The following PRKCA variants were observed in gnomAD, a reference collection of about 807,000 sequenced individuals.
PRKCA encodes the protein protein kinase C alpha type.
In PRKCA, 27 loss-of-function variants were observed where a neutral mutation model predicts 87.0. That is an observed-to-expected ratio of 0.31 (90% CI 0.23 to 0.43). The LOEUF (loss-of-function observed/expected upper bound fraction) is 0.43. Ranked by LOEUF, PRKCA falls within the 20% of genes least tolerant of loss-of-function variation. The pLI, the probability that PRKCA is intolerant of heterozygous loss-of-function variation, is 1.00. For missense variants in PRKCA, 518 were observed against 852.3 expected, an observed-to-expected ratio of 0.61 and a Z score of 4.88; for synonymous variants, 329 against 311.1, an observed-to-expected ratio of 1.06 and a Z score of -0.61.
At chr17:66,331,456 T>A (rs778034430) in intron 2 of PRKCA, among the ~76,000 whole-genome samples, 5 of 152,320 alleles carry the variant, frequency 3.3e-5, no homozygotes, top group Admixed American at 6.5e-5. Flanking sequence ...TAGCAACACA[T>A]TAATCTGCAG....
At chr17:66,358,924 C>T (rs978231216) in intron 2 of PRKCA, among the ~76,000 whole-genome samples, 2 of 151,286 alleles carry the variant, frequency 1.3e-5, no homozygotes, top group Non-Finnish European at 2.9e-5. Context: ...GATGAGAGTA[C>T]CTTTAAAAAA....
In PRKCA at chr17:66,553,084, C is replaced by T. The variant is rs368215292; in HGVS notation, c.288+56801C>T. On this transcript the variant is annotated intron_variant, in intron 3 of 16. Coordinates refer to ENST00000413366, the MANE Select transcript of PRKCA (RefSeq NM_002737.3). Reference sequence around the variant, plus strand: ...GCAACCTCTGCCCCCTGGGTTCAAGCGATTCTTCTGCCTCAGCCTCCCAGG... The same window carrying T: ...GCAACCTCTGCCCCCTGGGTTCAAGTGATTCTTCTGCCTCAGCCTCCCAGG... Among the ~76,000 whole-genome samples, 181 of 151,860 alleles carry T rather than the reference C, an allele frequency of 1.2e-3. 5 individuals carry two copies. The South Asian group carries it at 0.035, about 30-fold the overall frequency.
At chr17:66,377,434 A>C (rs550117448) in intron 2 of PRKCA, among the ~76,000 whole-genome samples, 2 of 151,814 alleles carry the variant, frequency 1.3e-5, no homozygotes, top group African/African-American at 4.8e-5. Context: ...GGCTGAGCTA[A>C]TGCAGAGCCT....
At chr17:66,399,113 T>TTTTC (rs1910863212) in intron 2 of PRKCA, among the ~76,000 whole-genome samples, 1 of 150,674 alleles carries the variant, frequency 6.6e-6, no homozygotes, top group South Asian at 2.1e-4. Flanking sequence ...TTTTTTTTTT[T>TTTTC]TTTGAGACAG....
chr17:66,584,995 GCT>G (rs369489490), intron 3 of PRKCA, among the ~76,000 whole-genome samples: 274 of 151,864 alleles, frequency 1.8e-3, no homozygotes, highest in African/African-American at 6.3e-3. Context: ...AAAGAGGAAA[GCT>G]CTCTCTCTCC....
chr17:66,650,148 A>G lies in PRKCA; in HGVS notation c.529+4637A>G, dbSNP rs1971554504. ...AGTTCAAACTGTGTCTTACCTATGTAGAATCACTCAGGTTGAAGATAATTC... is the reference window on the plus strand; with the variant it reads ...AGTTCAAACTGTGTCTTACCTATGTGGAATCACTCAGGTTGAAGATAATTC... On this transcript the variant is annotated intron_variant, in intron 5 of 16. Coordinates refer to ENST00000413366, the MANE Select transcript of PRKCA (RefSeq NM_002737.3). 2.0e-5 allele frequency among the ~76,000 whole-genome samples: 3 copies of G among 152,352 alleles called. No homozygotes were observed. The South Asian group carries it at 6.2e-4, about 32-fold the overall frequency.
chr17:66,508,393 G>A (rs1039334748), intron 3 of PRKCA, among the ~76,000 whole-genome samples: 32 of 152,214 alleles, frequency 2.1e-4, no homozygotes, highest in Non-Finnish European at 3.8e-4. Flanking sequence ...GGGCGTTGCC[G>A]TGGTTCTGAC....
intron 1 of PRKCA, among the ~76,000 whole-genome samples, chr17:66,304,015 C>T (rs7220374): frequency 0.97 from 147,200 of 152,202 alleles, 71,191 homozygotes; most frequent in East Asian, 1. Context: ...AAAAATGAAA[C>T]AGACCCTGTC....
chr17:66,796,195 T>G (rs532430196), intron 16 of PRKCA, among the ~76,000 whole-genome samples: 1 of 152,352 alleles, frequency 6.6e-6, no homozygotes, highest in African/African-American at 2.4e-5. Context: ...CCCCAACTAC[T>G]GGTCCTACTC....
intron 3 of PRKCA, among the ~76,000 whole-genome samples, chr17:66,590,037 ACCT>A (rs1487849312): frequency 3.9e-5 from 6 of 151,974 alleles, no homozygotes; most frequent in Non-Finnish European, 8.8e-5. Context: ...CCCGCCGCTC[ACCT>A]CCTGCTGTGC....
intron 3 of PRKCA, among the ~76,000 whole-genome samples, chr17:66,514,875 G>T (rs1185145232): frequency 6.6e-6 from 1 of 152,126 alleles, no homozygotes; most frequent in Non-Finnish European, 1.5e-5. Flanking sequence ...GAAAATGTTA[G>T]GTTTCTGGTT....
At chr17:66,401,182 G>C (rs1911002103) in intron 2 of PRKCA, among the ~76,000 whole-genome samples, 1 of 152,186 alleles carries the variant, frequency 6.6e-6, no homozygotes, top group Admixed American at 6.5e-5. Flanking sequence ...GGCAAAGGAA[G>C]GTGGCCATGG....
intron 4 of PRKCA, among the ~76,000 whole-genome samples, chr17:66,644,242 GT>G (rs1971392465): frequency 6.6e-6 from 1 of 152,210 alleles, no homozygotes; most frequent in Non-Finnish European, 1.5e-5. Flanking sequence ...TCTGCTGTCA[GT>G]GTTTAATCGG....
In PRKCA at chr17:66,384,702, C is replaced by T. The variant is rs1436790285; in HGVS notation, c.205+78575C>T. Among the ~76,000 whole-genome samples the T allele has an allele frequency of 6.6e-5, 10 of 152,118 alleles. No homozygotes were observed. The South Asian group carries it at 1.7e-3, about 25-fold the overall frequency. On this transcript the variant is annotated intron_variant, in intron 2 of 16. Transcript: ENST00000413366. ...GGAGTGTAGTGGTGCCATCTCGGCT[C>T]ACTGCAAGCTCCACCTCCCGTGTTT...
intron 8 of PRKCA, among the ~76,000 whole-genome samples, chr17:66,718,076 A>C (rs1245789651): frequency 6.6e-6 from 1 of 152,182 alleles, no homozygotes; most frequent in Non-Finnish European, 1.5e-5. Context: ...TAAGCTCTCC[A>C]TACAAATTAG....
At chr17:66,412,964 T>C (rs977950142) in intron 2 of PRKCA, among the ~76,000 whole-genome samples, 1 of 152,082 alleles carries the variant, frequency 6.6e-6, no homozygotes, top group African/African-American at 2.4e-5. Context: ...ATACCAGATA[T>C]GTGGAGATTC....
intron 3 of PRKCA, among the ~76,000 whole-genome samples, chr17:66,611,210 A>G (rs1417182225): frequency 1.3e-5 from 2 of 152,210 alleles, no homozygotes; most frequent in East Asian, 3.9e-4. Context: ...TGTACCCATA[A>G]GCTTCACCCA....
intron 3 of PRKCA, among the ~76,000 whole-genome samples, chr17:66,633,383 C>T (rs1971073238): frequency 6.6e-6 from 1 of 151,984 alleles, no homozygotes. Flanking sequence ...CTAGATTTGC[C>T]CTTGAAGCAG....
chr17:66,686,151 A>C (rs1020916813), intron 5 of PRKCA, among the ~76,000 whole-genome samples: 2 of 152,186 alleles, frequency 1.3e-5, no homozygotes, highest in African/African-American at 2.4e-5. Flanking sequence ...GCAGTAGATA[A>C]TTATCTTTTA....
Sources: gnomAD v4.1 joint callset for allele counts (sites outside exome capture counted in the v4.1 genomes callset) on GRCh38, gnomAD v4.1.1 for gene constraint, MANE v1.5 for transcripts, NCBI Gene and HGNC (gene_info 2026-07-23, HGNC 2026-07-21) for gene names.